SCAPER: variants seen among roughly 807,000 people sequenced by gnomAD.
SCAPER encodes S phase cyclin A-associated protein in the endoplasmic reticulum.
A neutral mutation model predicts 182.2 loss-of-function variants in SCAPER; 98 were observed. The observed-to-expected ratio is 0.54, with a 90% CI of 0.46 to 0.64. The LOEUF (loss-of-function observed/expected upper bound fraction) is 0.64. Ranked by LOEUF, SCAPER falls within the 30% of genes least tolerant of loss-of-function variation. The probability of loss-of-function intolerance (pLI) is 0.00; values close to 1 mark genes in which losing one functional copy is unlikely to be tolerated. For synonymous variants in SCAPER, 605 were observed against 564.6 expected (o/e 1.07, Z -1.01); for missense variants, 1,432 against 1,690.0 (o/e 0.85, Z 2.68).
intron 29 of SCAPER, 44 bp downstream of exon 29, chr15:76,376,118 C>T: frequency 1.2e-6 from 2 of 1,606,280 alleles, no homozygotes; most frequent in Non-Finnish European, 1.7e-6. Flanking sequence ...CTCACACTCT[C>T]AGCACTGGGG....
intron 27 of SCAPER, among the ~76,000 whole-genome samples, chr15:76,392,325 C>A (rs1362067601): frequency 6.6e-6 from 1 of 152,158 alleles, no homozygotes; most frequent in Non-Finnish European, 1.5e-5. Context: ...AAAATAGCAT[C>A]TTAGACAAGA....
chr15:76,589,062 G>A (rs1315642502), intron 22 of SCAPER, among the ~76,000 whole-genome samples: 2 of 152,106 alleles, frequency 1.3e-5, no homozygotes, highest in Admixed American at 1.3e-4. Flanking sequence ...GTACTGGGGG[G>A]TATCTGCACA....
intron 21 of SCAPER, among the ~76,000 whole-genome samples, chr15:76,638,761 T>C (rs11637096): frequency 0.28 from 43,322 of 152,178 alleles, 6,751 homozygotes; most frequent in East Asian, 0.55. Flanking sequence ...GTCATTGCTG[T>C]ATTTTAAAAA....
At chr15:76,476,678 A>G (rs2050668250) in intron 24 of SCAPER, among the ~76,000 whole-genome samples, 1 of 135,210 alleles carries the variant, frequency 7.4e-6, no homozygotes, top group Non-Finnish European at 1.5e-5. Context: ...CCTGGCCTCA[A>G]GTGATCCCTC....
chr15:76,545,484 G>A (rs931741222), intron 23 of SCAPER, among the ~76,000 whole-genome samples: 2 of 152,086 alleles, frequency 1.3e-5, no homozygotes, highest in African/African-American at 2.4e-5. Context: ...ATTTTTAGAC[G>A]AGAAAAATAT....
At chr15:76,888,346 C>G (rs1258635163) in intron 1 of SCAPER, among the ~76,000 whole-genome samples, 3 of 152,154 alleles carry the variant, frequency 2.0e-5, no homozygotes, top group African/African-American at 7.2e-5. Flanking sequence ...CAGAAGTAGG[C>G]TTCGGAAGGT....
chr15:76,697,015 A>G (rs965878009), intron 20 of SCAPER, among the ~76,000 whole-genome samples: 2 of 152,182 alleles, frequency 1.3e-5, no homozygotes, highest in Non-Finnish European at 2.9e-5. Flanking sequence ...TCAAAGATCA[A>G]GAGTAAGTTA....
intron 18 of SCAPER, among the ~76,000 whole-genome samples, chr15:76,704,531 T>C (rs555993182): frequency 1.2e-3 from 189 of 152,298 alleles, no homozygotes; most frequent in Non-Finnish European, 2.4e-3. Flanking sequence ...AGTTTCAGCT[T>C]TCTACATATG....
At chr15:76,685,977 T>C (rs1271675861) in intron 20 of SCAPER, among the ~76,000 whole-genome samples, 1 of 152,072 alleles carries the variant, frequency 6.6e-6, no homozygotes, top group Non-Finnish European at 1.5e-5. Flanking sequence ...AAACACTTAA[T>C]GGAAAATGCA....
intron 20 of SCAPER, among the ~76,000 whole-genome samples, chr15:76,696,596 C>A (rs1050800248): frequency 2.0e-5 from 3 of 151,750 alleles, no homozygotes; most frequent in Admixed American, 6.6e-5. Context: ...GGAAAAAAAA[C>A]CTTTTAAATT....
intron 23 of SCAPER, among the ~76,000 whole-genome samples, chr15:76,509,495 G>A (rs1049381586): frequency 1.3e-5 from 2 of 152,022 alleles, no homozygotes; most frequent in African/African-American, 4.8e-5. Flanking sequence ...AAACTCTATC[G>A]AATAAAAGCC....
intron 1 of SCAPER, among the ~76,000 whole-genome samples, chr15:76,898,538 T>C (rs1306242968): frequency 1.3e-5 from 2 of 152,268 alleles, no homozygotes; most frequent in Admixed American, 1.3e-4. Flanking sequence ...TATATCCATA[T>C]GATGGAATAT....
intron 1 of SCAPER, among the ~76,000 whole-genome samples, chr15:76,900,619 C>A (rs2074727731): frequency 6.6e-6 from 1 of 152,166 alleles, no homozygotes; most frequent in Non-Finnish European, 1.5e-5. Flanking sequence ...TTCTGCCCTG[C>A]AATCCCGGAA....
intron 2 of SCAPER, among the ~76,000 whole-genome samples, chr15:76,878,041 A>T (rs1474331700): frequency 2.6e-5 from 4 of 152,196 alleles, no homozygotes; most frequent in African/African-American, 9.6e-5. Flanking sequence ...AGTAATATGC[A>T]TATATTTATA....
chr15:76,422,937 T>C (rs2046151195), intron 26 of SCAPER, among the ~76,000 whole-genome samples: 1 of 152,230 alleles, frequency 6.6e-6, no homozygotes, highest in South Asian at 2.1e-4. Flanking sequence ...GATTTGCATA[T>C]GTTGAACCAG....
rs899048473 is a variant in SCAPER, at chr15:76,848,207, C to T, written c.196-6276G>A. 9.2e-5 allele frequency among the ~76,000 whole-genome samples: 14 copies of T among 151,944 alleles called. 1 individual carries two copies. In the East Asian group the frequency reaches 2.1e-3, roughly 23 times the overall value. ...TAGAAACGGGGTTTCACCATGCTGG[C>T]CAGGCTGGTCTTGAACTCCTAATCT... On this transcript the variant is annotated intron_variant, in intron 4 of 31. Coordinates refer to ENST00000563290, the MANE Select transcript of SCAPER (RefSeq NM_020843.4).
chr15:76,468,336 G>A (rs1248570388), intron 25 of SCAPER, among the ~76,000 whole-genome samples: 1 of 152,102 alleles, frequency 6.6e-6, no homozygotes, highest in Non-Finnish European at 1.5e-5. Flanking sequence ...AGGTTCAAAT[G>A]TGTTTGGCAA....
chr15:76,844,821 T>C (rs2069881079), intron 4 of SCAPER, among the ~76,000 whole-genome samples: 1 of 152,106 alleles, frequency 6.6e-6, no homozygotes, highest in South Asian at 2.1e-4. Flanking sequence ...ACTCAAACTA[T>C]TCCAAAAACA....
intron 27 of SCAPER, among the ~76,000 whole-genome samples, chr15:76,395,327 T>C (rs975191741): frequency 6.6e-6 from 1 of 152,178 alleles, no homozygotes; most frequent in African/African-American, 2.4e-5. Flanking sequence ...GGATATCTCT[T>C]TGATATACTG....
Sources: gnomAD v4.1 joint callset for allele counts (sites outside exome capture counted in the v4.1 genomes callset) on GRCh38, gnomAD v4.1.1 for gene constraint, MANE v1.5 for transcripts, NCBI Gene and HGNC (gene_info 2026-07-23, HGNC 2026-07-21) for gene names.